The following COL25A1 variants were observed in gnomAD, a reference collection of about 807,000 sequenced individuals.
COL25A1 encodes collagen type XXV alpha 1 chain.
In COL25A1, 103 loss-of-function variants were observed where a neutral mutation model predicts 128.4. The observed-to-expected ratio is 0.80, with a 90% CI of 0.68 to 0.94. The LOEUF is 0.94. Among genes scored for constraint, COL25A1 ranks in the 40% least tolerant of loss-of-function variants. The probability of loss-of-function intolerance (pLI) is 0.00; values close to 1 mark genes in which losing one functional copy is unlikely to be tolerated. For synonymous variants in COL25A1, 279 were observed against 277.2 expected (o/e 1.01, Z -0.06); for missense variants, 745 against 840.0 (o/e 0.89, Z 1.40).
intron 19 of COL25A1, among the ~76,000 whole-genome samples, chr4:108,870,197 A>T (rs950450159): frequency 7.2e-5 from 11 of 152,166 alleles, no homozygotes; most frequent in African/African-American, 2.7e-4. Flanking sequence ...TTGAGGCTGC[A>T]GTGAGCCGTG....
chr4:109,263,343 G>A (rs1781573516), intron 3 of COL25A1, among the ~76,000 whole-genome samples: 1 of 151,766 alleles, frequency 6.6e-6, no homozygotes, highest in Admixed American at 6.6e-5. Flanking sequence ...GACAAAGGGT[G>A]GCATACTCAA....
chr4:109,026,382 CA>C (rs1319603008), intron 5 of COL25A1, among the ~76,000 whole-genome samples: 14 of 151,966 alleles, frequency 9.2e-5, no homozygotes, highest in Admixed American at 9.2e-4. Context: ...TTGCATTTAA[CA>C]AGTAGAAAGT....
chr4:109,262,204 A>G (rs978197172), intron 3 of COL25A1, among the ~76,000 whole-genome samples: 1 of 152,100 alleles, frequency 6.6e-6, no homozygotes, highest in African/African-American at 2.4e-5. Context: ...AATGCATGAA[A>G]TAATGCAAGC....
chr4:108,940,952 A>G (rs1043941331), intron 9 of COL25A1, among the ~76,000 whole-genome samples: 2 of 152,212 alleles, frequency 1.3e-5, no homozygotes, highest in African/African-American at 4.8e-5. Flanking sequence ...GCATTACTTT[A>G]TCCATAACAA....
intron 3 of COL25A1, among the ~76,000 whole-genome samples, chr4:109,142,396 G>T (rs1382918105): frequency 2.0e-5 from 3 of 152,198 alleles, no homozygotes. Context: ...ATATTCTGTT[G>T]ATTTGGGGTG....
In COL25A1 at chr4:109,025,780, A is replaced by T. The variant is rs949229068; in HGVS notation, c.421-15405T>A. 1.3e-5 allele frequency among the ~76,000 whole-genome samples: 2 copies of T among 152,218 alleles called. 1 individual carries two copies. The highest frequency in any genetic ancestry group is 4.1e-4 in the South Asian group (2 of 4,824). ...ACCACTACACAACACCAAGAGTTTT[A>T]CAAATGTCATCTCTCTTTGTTACAA... On this transcript the variant is annotated intron_variant, in intron 5 of 37. Transcript: ENST00000399132.
intron 3 of COL25A1, among the ~76,000 whole-genome samples, chr4:109,083,117 CAA>C: frequency 6.6e-6 from 1 of 152,110 alleles, no homozygotes; most frequent in Non-Finnish European, 1.5e-5. Context: ...GACTTCCAAA[CAA>C]AGAAGCATTC....
At chr4:109,265,348 G>C (rs75041962) in intron 3 of COL25A1, among the ~76,000 whole-genome samples, 2,220 of 152,214 alleles carry the variant, frequency 0.015, 72 homozygotes, top group African/African-American at 0.051. Flanking sequence ...AAGGCCAAAG[G>C]ACAATTTAAA....
chr4:109,023,536 A>T (rs556898291), intron 5 of COL25A1, among the ~76,000 whole-genome samples: 60 of 152,316 alleles, frequency 3.9e-4, no homozygotes, highest in Non-Finnish European at 6.5e-4. Flanking sequence ...AGGCTGAAGA[A>T]CTTTCCAACG....
chr4:108,900,677 G>A lies in COL25A1; in HGVS notation c.834+442C>T, dbSNP rs183311260. 2.2e-3 allele frequency among the ~76,000 whole-genome samples: 335 copies of A among 152,130 alleles called. 2 individuals are homozygous for A. The highest frequency in any genetic ancestry group is 7.7e-3 in the African/African-American group (318 of 41,524). On this transcript the variant is annotated intron_variant, in intron 14 of 37. Transcript: ENST00000399132. ...AAACATCTTTATTCTGCCTTCATCT[G>A]ATTAACTGGTTATGTTGTGTAAGAG...
intron 3 of COL25A1, among the ~76,000 whole-genome samples, chr4:109,172,574 T>A (rs543781586): frequency 3.9e-5 from 6 of 152,146 alleles, no homozygotes; most frequent in Non-Finnish European, 4.4e-5. Flanking sequence ...TTGATTATAA[T>A]CCATCTTGAT....
intron 5 of COL25A1, among the ~76,000 whole-genome samples, chr4:109,025,239 T>C (rs922161426): frequency 3.3e-5 from 5 of 152,300 alleles, no homozygotes; most frequent in Admixed American, 2.6e-4. Flanking sequence ...ACAATAAACA[T>C]ATATGAAGTA....
intron 3 of COL25A1, among the ~76,000 whole-genome samples, chr4:109,262,038 C>T (rs16997029): frequency 0.037 from 5,571 of 151,966 alleles, 336 homozygotes; most frequent in African/African-American, 0.13. Context: ...ACGTTGTTTC[C>T]GTTTCATTCC....
At chr4:108,881,200 G>T (rs1335024219) in intron 19 of COL25A1, among the ~76,000 whole-genome samples, 3 of 152,114 alleles carry the variant, frequency 2.0e-5, no homozygotes, top group Non-Finnish European at 4.4e-5. Context: ...TATGCCTAAG[G>T]TATTAGCACT....
chr4:108,818,842 G>A (rs569784910), intron 36 of COL25A1, among the ~76,000 whole-genome samples: 11 of 143,556 alleles, frequency 7.7e-5, no homozygotes, highest in Admixed American at 5.1e-4. Flanking sequence ...GAAATATAGC[G>A]AAAAAGGCAG....
At chr4:108,816,053 G>C (rs2125703540) in intron 37 of COL25A1, among the ~76,000 whole-genome samples, 1 of 152,236 alleles carries the variant, frequency 6.6e-6, no homozygotes, top group South Asian at 2.1e-4. Context: ...CTGTGAACGG[G>C]GGTTATGATA....
At chr4:108,876,405 A>G (rs1294420682) in intron 19 of COL25A1, among the ~76,000 whole-genome samples, 1 of 152,146 alleles carries the variant, frequency 6.6e-6, no homozygotes, top group Non-Finnish European at 1.5e-5. Context: ...TACCGTAAAA[A>G]TTAAATCCAG....
intron 3 of COL25A1, among the ~76,000 whole-genome samples, chr4:109,144,430 G>A (rs1009691831): frequency 6.6e-6 from 1 of 152,182 alleles, no homozygotes; most frequent in Non-Finnish European, 1.5e-5. Flanking sequence ...CACTGTGCTG[G>A]GAGATCTGCT....
chr4:109,137,984 A>ATATATGTGTGTGTGTGTG (rs547874075), intron 3 of COL25A1, among the ~76,000 whole-genome samples: 42 of 142,594 alleles, frequency 2.9e-4, no homozygotes, highest in Admixed American at 5.7e-4. Context: ...TTATATATAT[A>ATATATGTGTGTGTGTGTG]TGTGTGTGTG....
Sources: allele counts gnomAD v4.1 joint callset (sites outside exome capture counted in the v4.1 genomes callset), GRCh38; gene constraint gnomAD v4.1.1; transcripts MANE v1.5; gene names NCBI Gene and HGNC (gene_info 2026-07-23, HGNC 2026-07-21).